Variants in SEMA3A observed in about 807,000 individuals in gnomAD.
SEMA3A encodes semaphorin-3A.
Under a neutral mutation model 97.9 loss-of-function variants are expected in SEMA3A, and 29 were observed. The ratio of observed to expected loss-of-function variants is 0.30; its 90% CI spans 0.22 to 0.40. The LOEUF (loss-of-function observed/expected upper bound fraction) is 0.40. SEMA3A is among the 10% of genes least tolerant of loss of function. The probability of loss-of-function intolerance (pLI) is 1.00; values close to 1 mark genes in which losing one functional copy is unlikely to be tolerated. For synonymous variants in SEMA3A, 321 were observed against 323.7 expected, an observed-to-expected ratio of 0.99 and a Z score of 0.09; for missense variants, 763 against 951.3, an observed-to-expected ratio of 0.80 and a Z score of 2.60.
At chr7:84,312,241 A>T (rs1041575787) in intron 2 of SEMA3A, among the ~76,000 whole-genome samples, 1 of 151,974 alleles carries the variant, frequency 6.6e-6, no homozygotes, top group Non-Finnish European at 1.5e-5. Context: ...ATAGAAAATT[A>T]ACATATGTGT....
intron 3 of SEMA3A, among the ~76,000 whole-genome samples, chr7:84,305,238 TAA>T (rs752314875): frequency 8.8e-4 from 104 of 117,968 alleles, no homozygotes; most frequent in Non-Finnish European, 9.7e-4. Context: ...TTACTTCCAG[TAA>T]AAAAAAAAAA....
intron 1 of SEMA3A, among the ~76,000 whole-genome samples, chr7:84,142,322 C>G (rs181812062): frequency 1.2e-4 from 19 of 152,124 alleles, no homozygotes; most frequent in African/African-American, 4.6e-4. Flanking sequence ...TAGACAAATA[C>G]CTTTAGAGAA....
chr7:84,299,309 C>T (rs867661710), intron 3 of SEMA3A, among the ~76,000 whole-genome samples: 6 of 82,108 alleles, frequency 7.3e-5, no homozygotes, highest in Admixed American at 1.3e-4. Context: ...TATATATCTC[C>T]ATATATATAT....
intron 1 of SEMA3A, among the ~76,000 whole-genome samples, chr7:84,165,026 G>A (rs1315701144): frequency 6.6e-6 from 1 of 152,030 alleles, no homozygotes; most frequent in Non-Finnish European, 1.5e-5. Flanking sequence ...TGAGCAACAT[G>A]GCGAAACCCC....
At chr7:84,322,097 G>A (rs1347031140) in intron 2 of SEMA3A, among the ~76,000 whole-genome samples, 1 of 151,368 alleles carries the variant, frequency 6.6e-6, no homozygotes, top group Admixed American at 6.6e-5. Flanking sequence ...AAAACCATCA[G>A]ATCTCATGAG....
intron 1 of SEMA3A, among the ~76,000 whole-genome samples, chr7:84,483,434 C>T (rs527710529): frequency 6.6e-6 from 1 of 152,246 alleles, no homozygotes; most frequent in South Asian, 2.1e-4. Flanking sequence ...AGGCCCCTTG[C>T]AAGAATCCTA....
At chr7:84,058,623 A>G (rs779207022) in intron 5 of SEMA3A, among the ~76,000 whole-genome samples, 2 of 152,174 alleles carry the variant, frequency 1.3e-5, no homozygotes, top group African/African-American at 2.4e-5. Context: ...TTGCTATTCA[A>G]TGATTTCAGA....
At chr7:84,426,028 T>C (rs941368076) in intron 1 of SEMA3A, among the ~76,000 whole-genome samples, 4 of 150,736 alleles carry the variant, frequency 2.7e-5, no homozygotes, top group African/African-American at 9.8e-5. Flanking sequence ...AGCTAAGCTA[T>C]GGGTATACAA....
chr7:84,290,599 G>A (rs961201952), intron 3 of SEMA3A, among the ~76,000 whole-genome samples: 3 of 151,870 alleles, frequency 2.0e-5, no homozygotes, highest in Non-Finnish European at 4.4e-5. Context: ...CAACTCCCGT[G>A]GCATGGTAAG....
chr7:84,048,622 C>A (rs1455715639), intron 5 of SEMA3A, among the ~76,000 whole-genome samples: 2 of 151,546 alleles, frequency 1.3e-5, no homozygotes, highest in African/African-American at 4.8e-5. Context: ...TTAAAAAAAT[C>A]GAAAAAATTA....
At chr7:84,240,766 G>T (rs183181848) in intron 3 of SEMA3A, among the ~76,000 whole-genome samples, 1 of 151,938 alleles carries the variant, frequency 6.6e-6, no homozygotes, top group Non-Finnish European at 1.5e-5. Context: ...GCCCACCACC[G>T]CCTGACAGGC....
chr7:84,136,133 A>C (rs17158648), intron 1 of SEMA3A, among the ~76,000 whole-genome samples: 32,648 of 151,990 alleles, frequency 0.21, 3,583 homozygotes, highest in South Asian at 0.26. Flanking sequence ...GTCCTGAATC[A>C]GTGCTTTAGA....
Position 84,277,260 on chromosome 7 carries a change from G to A in SEMA3A, c.-83+29947C>T, listed in dbSNP as rs35798843. Among the ~76,000 whole-genome samples, 964 of 152,086 alleles carry A rather than the reference G, an allele frequency of 6.3e-3. 2 individuals carry two copies. The highest frequency in any genetic ancestry group is 0.017 in the Middle Eastern group (5 of 294). ...TATTAGGCATGCATGAGTGATAGCA[G>A]GTTAAAATTGGGAGTATTGGTATGA... On this transcript the variant is annotated intron_variant, in intron 3 of 3. Transcript: ENST00000424555.
intron 6 of SEMA3A, among the ~76,000 whole-genome samples, chr7:84,045,797 A>AG (rs1792324527): frequency 6.6e-6 from 1 of 151,780 alleles, no homozygotes; most frequent in Non-Finnish European, 1.5e-5. Context: ...AAATTGGGAG[A>AG]GGGGTTTTAA....
intron 1 of SEMA3A, among the ~76,000 whole-genome samples, chr7:84,393,024 G>A (rs1803626174): frequency 6.6e-6 from 1 of 151,930 alleles, no homozygotes; most frequent in Non-Finnish European, 1.5e-5. Context: ...TGTTTCCTTT[G>A]CTATGCAGAA....
At chr7:84,048,439 T>C (rs1792451011) in intron 5 of SEMA3A, among the ~76,000 whole-genome samples, 1 of 151,994 alleles carries the variant, frequency 6.6e-6, no homozygotes, top group East Asian at 1.9e-4. Flanking sequence ...TCTAATTTTT[T>C]CCCAAAATAT....
chr7:84,333,175 T>C (rs1249255333), intron 2 of SEMA3A, among the ~76,000 whole-genome samples: 1 of 152,170 alleles, frequency 6.6e-6, no homozygotes, highest in Admixed American at 6.6e-5. Context: ...TTTTAAAACT[T>C]GCTGTCTTCC....
intron 2 of SEMA3A, among the ~76,000 whole-genome samples, chr7:84,313,361 T>TAATAC (rs1303335725): frequency 1.2e-4 from 1 of 8,548 alleles, no homozygotes; most frequent in East Asian, 0.016. Context: ...TGTGTGTATA[T>TAATAC]ATATATATAT....
chr7:84,459,338 T>G (rs2116383951), intron 1 of SEMA3A, among the ~76,000 whole-genome samples: 1 of 152,332 alleles, frequency 6.6e-6, no homozygotes, highest in Non-Finnish European at 1.5e-5. Context: ...ACAAAATAAA[T>G]TCTCCACAGA....
Sources: allele counts gnomAD v4.1 joint callset (sites outside exome capture counted in the v4.1 genomes callset), GRCh38; gene constraint gnomAD v4.1.1; transcripts MANE v1.5; gene names NCBI Gene and HGNC (gene_info 2026-07-23, HGNC 2026-07-21).